MNAT1: variants seen among roughly 807,000 people sequenced by gnomAD.
The protein encoded by MNAT1 is CDK-activating kinase assembly factor MAT1.
In MNAT1, 43 loss-of-function variants were observed where a neutral mutation model predicts 42.0. The ratio of observed to expected loss-of-function variants is 1.02; its 90% CI spans 0.80 to 1.32. MNAT1 has a LOEUF of 1.32. Among genes scored for constraint, MNAT1 ranks in the 40% most tolerant of loss-of-function variants. The pLI is 0.00. For missense variants in MNAT1, 306 were observed against 350.4 expected (o/e 0.87, Z 1.01); for synonymous variants, 118 against 120.0 (o/e 0.98, Z 0.11).
chr14:60,889,561 AC>A (rs777979321), intron 7 of MNAT1, among the ~76,000 whole-genome samples: 5 of 152,340 alleles, frequency 3.3e-5, no homozygotes, highest in Non-Finnish European at 7.3e-5. Context: ...CATGTCTAAA[AC>A]ACCAAAAAAA....
At chr14:60,915,997 T>G (rs2035504460) in intron 7 of MNAT1, among the ~76,000 whole-genome samples, 1 of 152,184 alleles carries the variant, frequency 6.6e-6, no homozygotes. Context: ...TCCCTACAAC[T>G]GAGTCAACAG....
chr14:60,923,683 T>G (rs1156947724), intron 7 of MNAT1, among the ~76,000 whole-genome samples: 1 of 152,134 alleles, frequency 6.6e-6, no homozygotes, highest in Non-Finnish European at 1.5e-5. Flanking sequence ...ATCCCTGGAT[T>G]AACGGATGGA....
At chr14:60,770,713 C>T (rs1396060477) in intron 1 of MNAT1, among the ~76,000 whole-genome samples, 1 of 152,152 alleles carries the variant, frequency 6.6e-6, no homozygotes, top group Admixed American at 6.5e-5. Context: ...AATCTTCATA[C>T]TGCTTTCCAA....
intron 1 of MNAT1, among the ~76,000 whole-genome samples, chr14:60,768,001 T>C (rs975337390): frequency 1.3e-5 from 2 of 152,178 alleles, no homozygotes; most frequent in Admixed American, 1.3e-4. Flanking sequence ...CCTGAACTTA[T>C]GATCTGCCTG....
Position 60,958,875 on chromosome 14 carries a change from G to A in MNAT1, c.810-9354G>A, listed in dbSNP as rs111925404. Among the ~76,000 whole-genome samples, 741 of 151,940 alleles carry A rather than the reference G, an allele frequency of 4.9e-3. 2 individuals carry two copies. The highest frequency in any genetic ancestry group is 0.028 in the East Asian group (143 of 5,138). Reference sequence around the variant, plus strand: ...AGGATGGTCTCAATCTCCTGACCTCGTGATCTGCCTGCCTCGGCCTCCCAA... The same window carrying A: ...AGGATGGTCTCAATCTCCTGACCTCATGATCTGCCTGCCTCGGCCTCCCAA... On this transcript the variant is annotated intron_variant, in intron 7 of 7. Transcript: ENST00000261245.
intron 6 of MNAT1, among the ~76,000 whole-genome samples, chr14:60,857,902 A>G (rs142860962): frequency 6.6e-6 from 1 of 152,076 alleles, no homozygotes; most frequent in Non-Finnish European, 1.5e-5. Flanking sequence ...AAGGATATGA[A>G]CTCATCATTT....
chr14:60,812,512 C>T (rs997620476), intron 5 of MNAT1, among the ~76,000 whole-genome samples: 2 of 152,178 alleles, frequency 1.3e-5, no homozygotes, highest in African/African-American at 2.4e-5. Flanking sequence ...CAGTTTAAAA[C>T]CTGAAAGCCA....
chr14:60,958,116 C>A (rs971089117), intron 7 of MNAT1, among the ~76,000 whole-genome samples: 1 of 152,182 alleles, frequency 6.6e-6, no homozygotes, highest in African/African-American at 2.4e-5. Flanking sequence ...GGATTACAGG[C>A]TTGAGCCACC....
At chr14:60,795,948 C>T (rs898930441) in intron 1 of MNAT1, among the ~76,000 whole-genome samples, 2 of 152,166 alleles carry the variant, frequency 1.3e-5, no homozygotes, top group Non-Finnish European at 2.9e-5. Flanking sequence ...CCCTATCCTG[C>T]TCTTCTTCCT....
intron 6 of MNAT1, among the ~76,000 whole-genome samples, chr14:60,841,214 T>C (rs2033542668): frequency 6.6e-6 from 1 of 151,598 alleles, no homozygotes; most frequent in Non-Finnish European, 1.5e-5. Context: ...CCTCCCTCTC[T>C]CACACCTTTC....
At position 60,954,144 on chromosome 14, in the gene MNAT1, C is replaced by G. The variant is rs113114083; in HGVS notation, c.810-14085C>G. 3.1e-3 allele frequency among the ~76,000 whole-genome samples: 471 copies of G among 151,940 alleles called. 1 individual carries two copies. The highest frequency in any genetic ancestry group is 0.011 in the African/African-American group (448 of 41,432). Reference sequence around the variant, plus strand: ...TTTGAGATCAGGTGATATTTACATGCCTCTTTGTTCATTTCCTTAAGCTTT... The same window carrying G: ...TTTGAGATCAGGTGATATTTACATGGCTCTTTGTTCATTTCCTTAAGCTTT... On this transcript the variant is annotated intron_variant, in intron 7 of 7. Coordinates refer to ENST00000261245, the MANE Select transcript of MNAT1 (RefSeq NM_002431.4).
chr14:60,735,994 A>C (rs893446733), intron 1 of MNAT1, among the ~76,000 whole-genome samples: 3 of 152,238 alleles, frequency 2.0e-5, no homozygotes, highest in Non-Finnish European at 2.9e-5. Flanking sequence ...CAGGGTCTTT[A>C]GGTAAGCATA....
intron 6 of MNAT1, among the ~76,000 whole-genome samples, chr14:60,858,180 C>T (rs2034008076): frequency 6.6e-6 from 1 of 152,318 alleles, no homozygotes; most frequent in Admixed American, 6.5e-5. Context: ...AACTAATTTA[C>T]ACTCCTACCA....
chr14:60,912,017 CATATAT>C (rs1029611928), intron 7 of MNAT1, among the ~76,000 whole-genome samples: 5 of 151,988 alleles, frequency 3.3e-5, no homozygotes, highest in African/African-American at 1.2e-4. Context: ...GTATTGGGTG[CATATAT>C]ATTTAGGATA....
At chr14:60,799,275 T>G in intron 3 of MNAT1, 1 of 985,402 alleles carries the variant, frequency 1.0e-6, no homozygotes, top group South Asian at 4.7e-5. Flanking sequence ...TGAGTGACTA[T>G]GGATTTTAGC....
intron 6 of MNAT1, among the ~76,000 whole-genome samples, chr14:60,839,942 G>A (rs997909014): frequency 2.6e-5 from 4 of 152,312 alleles, no homozygotes; most frequent in Admixed American, 6.5e-5. Context: ...GGCATGAGCC[G>A]TGCACAGCGT....
chr14:60,909,341 G>T (rs931048246), intron 7 of MNAT1, among the ~76,000 whole-genome samples: 62 of 152,082 alleles, frequency 4.1e-4, no homozygotes, highest in Non-Finnish European at 1.6e-4. Flanking sequence ...GATCCCATTT[G>T]TCAATTTTGG....
chr14:60,860,336 C>T (rs2034065021), intron 6 of MNAT1, among the ~76,000 whole-genome samples: 1 of 138,076 alleles, frequency 7.2e-6, no homozygotes, highest in African/African-American at 2.6e-5. Flanking sequence ...AAAACTGAGA[C>T]TTTTTTCTTT....
At chr14:60,867,606 T>G (rs572211459) in intron 6 of MNAT1, among the ~76,000 whole-genome samples, 17 of 152,262 alleles carry the variant, frequency 1.1e-4, no homozygotes, top group Non-Finnish European at 2.4e-4. Flanking sequence ...TACTTTACAT[T>G]AAATTTGAGG....
Sources: allele counts gnomAD v4.1 joint callset (sites outside exome capture counted in the v4.1 genomes callset), GRCh38; gene constraint gnomAD v4.1.1; transcripts MANE v1.5; gene names NCBI Gene and HGNC (gene_info 2026-07-23, HGNC 2026-07-21).